ARID1B: variants seen among roughly 807,000 people sequenced by gnomAD.
ARID1B encodes the protein AT-rich interaction domain 1B, also known as AT-rich interactive domain-containing protein 1B.
Under a neutral mutation model 212.3 loss-of-function variants are expected in ARID1B, and 30 were observed. The observed-to-expected ratio is 0.14, with a 90% CI of 0.11 to 0.19. ARID1B has a LOEUF of 0.19. Among genes scored for constraint, ARID1B ranks in the 10% least tolerant of loss-of-function variants. ARID1B has a pLI of 1.00. For synonymous variants in ARID1B, 1,402 were observed against 1,301.7 expected (o/e 1.08, Z -1.66); for missense variants, 2,891 against 3,204.0 (o/e 0.90, Z 2.36).
At chr6:156,918,391 T>G (rs1437362423) in intron 3 of ARID1B, among the ~76,000 whole-genome samples, 3 of 152,212 alleles carry the variant, frequency 2.0e-5, no homozygotes, top group Admixed American at 2.0e-4. Context: ...TCATTTCACT[T>G]ATTTTAAGAT....
intron 1 of ARID1B, among the ~76,000 whole-genome samples, chr6:156,780,658 TATTAC>T (rs2115034706): frequency 6.6e-6 from 1 of 152,328 alleles, no homozygotes; most frequent in South Asian, 2.1e-4. Flanking sequence ...AACTGAGCTC[TATTAC>T]AAGCAAATGT....
intron 2 of ARID1B, among the ~76,000 whole-genome samples, chr6:156,839,169 T>TA (rs66461314): frequency 0.023 from 3,525 of 152,146 alleles, 64 homozygotes; most frequent in South Asian, 0.048. Context: ...TCTGTTGCTG[T>TA]AAAAAAAATC....
chr6:156,876,666 T>C (rs544560370), intron 2 of ARID1B, among the ~76,000 whole-genome samples: 2 of 152,322 alleles, frequency 1.3e-5, no homozygotes, highest in South Asian at 4.1e-4. Context: ...CTGAAGACTG[T>C]CCCAGACACT....
At chr6:156,824,765 AG>A (rs1270381557) in intron 1 of ARID1B, among the ~76,000 whole-genome samples, 1,687 of 152,258 alleles carry the variant, frequency 0.011, 29 homozygotes, top group African/African-American at 0.038. Flanking sequence ...ACCCTGTCTC[AG>A]AAAACAAAAC....
chr6:156,911,262 G>A (rs1393872728), intron 3 of ARID1B, among the ~76,000 whole-genome samples: 1 of 150,234 alleles, frequency 6.7e-6, no homozygotes, highest in African/African-American at 2.4e-5. Context: ...AATTTATTAT[G>A]TCATAAGATG....
chr6:156,964,429 T>C (rs1794603590), intron 4 of ARID1B, among the ~76,000 whole-genome samples: 2 of 152,232 alleles, frequency 1.3e-5, no homozygotes, highest in Admixed American at 6.5e-5. Flanking sequence ...TGCTAATTTC[T>C]TCTGGAAAAA....
chr6:157,207,159 C>A lies in ARID1B; in HGVS notation c.6387C>A (p.Ala2129=), dbSNP rs1018664667. Residue 2129 remains alanine, a synonymous_variant, in exon 20 of 20, where the codon GCC becomes GCA. Transcript: ENST00000636930. The surrounding 1 kb of genome is among the most constrained non-coding windows in gnomAD (Gnocchi z 8.5). ...EKEEDEDKGV[A]CSKDEWWWDC... is the part of the protein sequence containing the mutation. ...AGGAGGATGAGGACAAGGGGGTGGC[C>A]TGCAGCAAAGATGAGTGGTGGTGGG... 2 of 1,614,074 alleles carry A rather than the reference C, an allele frequency of 1.2e-6. No homozygotes were observed. Among genetic ancestry groups the A allele is most frequent in the Non-Finnish European group, 8.5e-7 (1 of 1,180,040 alleles).
At chr6:156,849,547 T>TCAATGA (rs1784445125) in intron 2 of ARID1B, among the ~76,000 whole-genome samples, 1 of 152,248 alleles carries the variant, frequency 6.6e-6, no homozygotes, top group Non-Finnish European at 1.5e-5. Context: ...ATTTACGTAG[T>TCAATGA]CTAAAAGAGT....
At chr6:157,040,181 G>A (rs903839089) in intron 4 of ARID1B, among the ~76,000 whole-genome samples, 1 of 152,110 alleles carries the variant, frequency 6.6e-6, no homozygotes, top group Middle Eastern at 3.2e-3. Flanking sequence ...CTTGTGATCT[G>A]CCCGCCTCGG....
chr6:157,083,557 C>T (rs1197768124), intron 4 of ARID1B, among the ~76,000 whole-genome samples: 2 of 152,158 alleles, frequency 1.3e-5, no homozygotes, highest in African/African-American at 2.4e-5. Flanking sequence ...TTCCCCTTTT[C>T]GTCTTTAGCA....
At chr6:157,193,759 C>T (rs1793542510) in intron 15 of ARID1B, 1 of 152,210 alleles carries the variant, frequency 6.6e-6, no homozygotes, top group Non-Finnish European at 1.5e-5. Context: ...AAAACTTTTG[C>T]TTGCATCTCA....
chr6:156,964,160 A>G (rs1252391573), intron 4 of ARID1B, among the ~76,000 whole-genome samples: 2 of 152,222 alleles, frequency 1.3e-5, no homozygotes, highest in Non-Finnish European at 2.9e-5. Context: ...TTATTAACTC[A>G]TCTTGCAACC....
At chr6:157,060,676 A>T (rs1783288704) in intron 4 of ARID1B, among the ~76,000 whole-genome samples, 1 of 112,976 alleles carries the variant, frequency 8.9e-6, no homozygotes, top group Non-Finnish European at 1.7e-5. Flanking sequence ...TCATTGTCTC[A>T]TCACATTCAA....
intron 2 of ARID1B, among the ~76,000 whole-genome samples, chr6:156,852,795 A>G (rs1330431827): frequency 6.6e-6 from 1 of 152,226 alleles, no homozygotes; most frequent in African/African-American, 2.4e-5. Context: ...AGCTACAGCT[A>G]TCTTACTTAC....
intron 3 of ARID1B, among the ~76,000 whole-genome samples, chr6:156,919,870 A>T (rs572756984): frequency 1.3e-5 from 2 of 152,178 alleles, no homozygotes; most frequent in African/African-American, 4.8e-5. Context: ...ATCAAAGGCT[A>T]AAGAAAAACT....
chr6:157,057,045 C>T (rs1783007718), intron 4 of ARID1B, among the ~76,000 whole-genome samples: 2 of 151,184 alleles, frequency 1.3e-5, no homozygotes, highest in South Asian at 4.2e-4. Context: ...CTCTGTTGCT[C>T]AGGCTGGAGT....
rs373793765 is a variant in ARID1B, at chr6:157,181,796, T to C, written c.3714+618T>C. On this transcript the variant is annotated intron_variant, in intron 12 of 19. Coordinates refer to ENST00000636930, the MANE Select transcript of ARID1B (RefSeq NM_001374828.1). ...AAGTCTCATACCCCAGGCACCGGCT[T>C]TCCTCACTGTAGCCCTCGCTCCTTA... Among the ~76,000 whole-genome samples the C allele has an allele frequency of 5.3e-5, 8 of 152,288 alleles. No homozygotes were observed. In the East Asian group the frequency reaches 1.5e-3, roughly 29 times the overall value.
At chr6:156,923,299 G>A (rs1790954713) in intron 3 of ARID1B, among the ~76,000 whole-genome samples, 1 of 152,248 alleles carries the variant, frequency 6.6e-6, no homozygotes, top group South Asian at 2.1e-4. Context: ...TTAATCAACA[G>A]TCCTCGAAAT....
At chr6:157,062,790 G>A (rs1016364641) in intron 4 of ARID1B, among the ~76,000 whole-genome samples, 1 of 150,178 alleles carries the variant, frequency 6.7e-6, no homozygotes, top group Non-Finnish European at 1.5e-5. Flanking sequence ...TGCAACCCCT[G>A]CCTCCTGGGT....
Sources: allele counts gnomAD v4.1 joint callset (sites outside exome capture counted in the v4.1 genomes callset), GRCh38; gene constraint gnomAD v4.1.1; non-coding constraint Gnocchi (gnomAD v3.1); transcripts MANE v1.5; gene names NCBI Gene and HGNC (gene_info 2026-07-23, HGNC 2026-07-21).